The following AGPS variants were observed in gnomAD, a reference collection of about 807,000 sequenced individuals.
AGPS encodes the protein alkyldihydroxyacetonephosphate synthase, peroxisomal.
In AGPS, 26 loss-of-function variants were observed where a neutral mutation model predicts 90.7. The ratio of observed to expected loss-of-function variants is 0.29; its 90% confidence interval spans 0.21 to 0.40. The LOEUF (loss-of-function observed/expected upper bound fraction) is 0.40. AGPS is among the 10% of genes least tolerant of loss of function. The pLI, the probability that AGPS is intolerant of heterozygous loss-of-function variation, is 1.00. For missense variants in AGPS, 540 were observed against 816.1 expected (o/e 0.66, Z 4.12); for synonymous variants, 294 against 285.3 (o/e 1.03, Z -0.31).
At position 177,437,046 on chromosome 2, in the gene AGPS, T is replaced by C. The variant is rs1686434822; in HGVS notation, c.629T>C (p.Leu210Ser). 1.2e-6 allele frequency: 2 copies of C among 1,613,440 alleles called. No individual in the cohort carries two copies. Among genetic ancestry groups the C allele is most frequent in the African/African-American group, 2.7e-5 (2 of 74,926 alleles). ...GMFERIPDIV[L>S]WPTCHDDVVK... ...TTTGAGCGAATTCCTGATATAGTTT[T>C]ATGGCCAAGTAAGTTTTCCCCTCCT... Residue 210 changes from leucine (L) to serine (S), a missense_variant, in exon 5 of 20, where the codon TTA (leucine) becomes TCA (serine). Leu to Ser is a moderately radical substitution (Grantham distance 145). Transcript: ENST00000264167.
At chr2:177,505,437 T>A in intron 14 of AGPS, 69 bp from the exon 15 acceptor site, 3 of 1,352,218 alleles carry the variant, frequency 2.2e-6, no homozygotes, top group Non-Finnish European at 3.2e-6. Context: ...TCTTGACAGC[T>A]TTTTGATACA....
At chr2:177,451,078 C>T (rs1273517982) in intron 8 of AGPS, among the ~76,000 whole-genome samples, 4 of 149,818 alleles carry the variant, frequency 2.7e-5, no homozygotes, top group Non-Finnish European at 6.0e-5. Context: ...CCTCCTGCTA[C>T]AGCCTCCCCG....
At chr2:177,442,828 C>CAAAAA (rs71007994) in intron 7 of AGPS, among the ~76,000 whole-genome samples, 2 of 99,408 alleles carry the variant, frequency 2.0e-5, no homozygotes, top group Non-Finnish European at 4.1e-5. Context: ...GCCTGGGTGA[C>CAAAAA]AAAAAAAAAA....
intron 8 of AGPS, among the ~76,000 whole-genome samples, chr2:177,454,870 T>C (rs1412143089): frequency 6.6e-6 from 1 of 152,214 alleles, no homozygotes; most frequent in African/African-American, 2.4e-5. Context: ...TCAGTTGGAC[T>C]AGTGGAAACA....
At position 177,543,284 on chromosome 2, in the gene AGPS, C is replaced by T. The variant is rs1042232859; in HGVS notation, c.*5089C>T. The T allele has an allele frequency of 6.6e-6, 1 of 152,152 alleles. No homozygotes were observed. The highest frequency in any genetic ancestry group is 1.5e-5 in the Non-Finnish European group (1 of 68,032). 9.4% of individuals were successfully genotyped at this position (152,152 alleles called of 1,614,324 possible). On this transcript the variant is annotated 3_prime_UTR_variant, in exon 20 of 20. Coordinates refer to ENST00000264167, the MANE Select transcript of AGPS (RefSeq NM_003659.4). ...GGTTTCTATTCCTAATATTGTGTGTCAGTCCTTTTTCGTGTGATGGTGCCT... is the reference window on the plus strand; with the variant it reads ...GGTTTCTATTCCTAATATTGTGTGTTAGTCCTTTTTCGTGTGATGGTGCCT...
Position 177,457,111 on chromosome 2 carries a change from G to A in AGPS, c.871-4782G>A, listed in dbSNP as rs144168602. The stretch of plus-strand genomic sequence containing the variant: ...ATGACTACTGGGTAGATAACGAAAT[G>A]AAGGCAGAAATAAAGATGTTCTTTG... On this transcript the variant is annotated intron_variant, in intron 8 of 19. Transcript: ENST00000264167. Among the ~76,000 whole-genome samples the A allele has an allele frequency of 6.8e-3, 1,029 of 152,290 alleles. 11 individuals are homozygous for A. The highest frequency in any genetic ancestry group is 0.024 in the African/African-American group (977 of 41,552).
intron 1 of AGPS, among the ~76,000 whole-genome samples, chr2:177,406,421 T>C (rs1685468876): frequency 6.6e-6 from 1 of 152,188 alleles, no homozygotes; most frequent in Admixed American, 6.5e-5. Context: ...CCATAAATTC[T>C]TGAAGAAGAT....
intron 16 of AGPS, among the ~76,000 whole-genome samples, chr2:177,512,218 TAA>T (rs1053449589): frequency 2.0e-5 from 3 of 152,092 alleles, no homozygotes; most frequent in African/African-American, 7.2e-5. Context: ...ATATTCAAAA[TAA>T]AGACATATTA....
chr2:177,449,407 T>C (rs956725791), intron 8 of AGPS, among the ~76,000 whole-genome samples: 1 of 152,166 alleles, frequency 6.6e-6, no homozygotes, highest in Admixed American at 6.5e-5. Context: ...TACATAGTAG[T>C]ATCTTATTGT....
chr2:177,529,683 A>G (rs1428635316), intron 19 of AGPS, among the ~76,000 whole-genome samples: 1 of 152,208 alleles, frequency 6.6e-6, no homozygotes, highest in African/African-American at 2.4e-5. Context: ...CTGCAACTCC[A>G]TACCACCAAC....
intron 16 of AGPS, among the ~76,000 whole-genome samples, chr2:177,511,657 G>A (rs954880105): frequency 6.6e-6 from 1 of 152,126 alleles, no homozygotes; most frequent in African/African-American, 2.4e-5. Flanking sequence ...ATGGTCAAGT[G>A]TTAAATTTGC....
At chr2:177,468,164 TAATA>T (rs1309589435) in intron 9 of AGPS, among the ~76,000 whole-genome samples, 1 of 152,120 alleles carries the variant, frequency 6.6e-6, no homozygotes, top group Admixed American at 6.5e-5. Context: ...GTTCTTAAGA[TAATA>T]AATAAACCAC....
At chr2:177,535,636 A>G (rs1408822587) in intron 19 of AGPS, among the ~76,000 whole-genome samples, 1 of 152,204 alleles carries the variant, frequency 6.6e-6, no homozygotes, top group Non-Finnish European at 1.5e-5. Context: ...GAAGACTCCA[A>G]TAATTGTCTT....
At chr2:177,450,918 A>C (rs1686920338) in intron 8 of AGPS, among the ~76,000 whole-genome samples, 1 of 36,224 alleles carries the variant, frequency 2.8e-5, no homozygotes, top group Admixed American at 3.6e-4. Flanking sequence ...GTAGGTCTGT[A>C]ATTTCTCTCA....
At chr2:177,486,064 G>T (rs1688083924) in intron 11 of AGPS, among the ~76,000 whole-genome samples, 1 of 152,192 alleles carries the variant, frequency 6.6e-6, no homozygotes. Flanking sequence ...TCAGTTCTAT[G>T]TACTTAATAA....
At chr2:177,468,367 C>G (rs374633339) in intron 9 of AGPS, 49 bp from the exon 10 acceptor site, 2 of 1,093,954 alleles carry the variant, frequency 1.8e-6, no homozygotes, top group Non-Finnish European at 2.8e-6. Context: ...CATAGACACA[C>G]ATTCACTAAC....
chr2:177,496,234 C>T (rs1016317221), intron 12 of AGPS, among the ~76,000 whole-genome samples: 4 of 152,006 alleles, frequency 2.6e-5, no homozygotes, highest in African/African-American at 9.7e-5. Flanking sequence ...ATGGAGTCCG[C>T]ATGCATTGTA....
chr2:177,436,138 A>ACTTTTTT (rs1686401878), intron 3 of AGPS, among the ~76,000 whole-genome samples: 1 of 38,478 alleles, frequency 2.6e-5, no homozygotes, highest in Non-Finnish European at 5.5e-5. Context: ...AGAAATGCTG[A>ACTTTTTT]ATTTTTTTTT....
At chr2:177,464,028 G>A (rs916825357) in intron 9 of AGPS, among the ~76,000 whole-genome samples, 4 of 152,154 alleles carry the variant, frequency 2.6e-5, no homozygotes, top group Non-Finnish European at 5.9e-5. Flanking sequence ...TGCAACCTCC[G>A]CGTCCCGGGT....
Sources: gnomAD v4.1 joint callset for allele counts (sites outside exome capture counted in the v4.1 genomes callset) on GRCh38, gnomAD v4.1.1 for gene constraint, MANE v1.5 for transcripts, NCBI Gene and HGNC (gene_info 2026-07-23, HGNC 2026-07-21) for gene names.